The following PPARGC1A variants were observed in gnomAD, a reference collection of about 807,000 sequenced individuals.
The protein encoded by PPARGC1A is peroxisome proliferator-activated receptor gamma coactivator 1-alpha.
PPARGC1A carries 25 observed loss-of-function variants against 88.7 expected under a neutral mutation model. The observed-to-expected ratio is 0.28, with a 90% CI of 0.21 to 0.39. The LOEUF is 0.39. PPARGC1A is among the 10% of genes least tolerant of loss of function. The probability of loss-of-function intolerance (pLI) is 1.00; values close to 1 mark genes in which losing one functional copy is unlikely to be tolerated. For synonymous variants in PPARGC1A, 363 were observed against 355.6 expected (o/e 1.02, Z -0.24); for missense variants, 880 against 968.7 (o/e 0.91, Z 1.22).
intron 1 of PPARGC1A, among the ~76,000 whole-genome samples, chr4:23,888,386 G>T (rs953968221): frequency 6.6e-6 from 1 of 152,114 alleles, no homozygotes; most frequent in Non-Finnish European, 1.5e-5. Flanking sequence ...ATATGATCTA[G>T]TTCCTCAATC....
chr4:24,281,402 G>A, the PPARGC1A span, among the ~76,000 whole-genome samples: 9 of 151,994 alleles, frequency 5.9e-5, no homozygotes, highest in East Asian at 3.9e-4. Flanking sequence ...CATGTGTAGA[G>A]ATCACACAGT....
the PPARGC1A span, among the ~76,000 whole-genome samples, chr4:24,037,862 A>G: frequency 1.3e-5 from 2 of 152,170 alleles, no homozygotes; most frequent in South Asian, 4.2e-4. Context: ...AAAAGCAGAA[A>G]CCACAGCTTG....
the PPARGC1A span, among the ~76,000 whole-genome samples, chr4:24,222,336 T>C: frequency 6.6e-6 from 1 of 152,218 alleles, no homozygotes; most frequent in Non-Finnish European, 1.5e-5. Flanking sequence ...GATGCATCTC[T>C]TGATATCCCA....
intron 7 of PPARGC1A, among the ~76,000 whole-genome samples, chr4:23,822,186 G>A (rs898429628): frequency 1.3e-5 from 2 of 152,208 alleles, no homozygotes; most frequent in African/African-American, 4.8e-5. Flanking sequence ...GTGCCATCTT[G>A]TTGCTCCTTA....
At chr4:24,388,025 AAG>A in the PPARGC1A span, among the ~76,000 whole-genome samples, 1 of 151,828 alleles carries the variant, frequency 6.6e-6, no homozygotes, top group Non-Finnish European at 1.5e-5. Flanking sequence ...GAAAGAAAGA[AAG>A]AAACTATCAT....
intron 2 of PPARGC1A, chr4:23,879,928 C>T (rs1715582415): frequency 6.7e-6 from 1 of 149,492 alleles, no homozygotes; most frequent in African/African-American, 2.5e-5. Context: ...ATGTATTTTA[C>T]TTTGAGTAAA....
chr4:23,973,674 C>T, the PPARGC1A span, among the ~76,000 whole-genome samples: 1 of 152,192 alleles, frequency 6.6e-6, no homozygotes, highest in Non-Finnish European at 1.5e-5. Context: ...GTAACTCCCT[C>T]CCTCCAGATG....
the PPARGC1A span, among the ~76,000 whole-genome samples, chr4:24,002,722 A>G: frequency 6.6e-6 from 1 of 152,070 alleles, no homozygotes; most frequent in Non-Finnish European, 1.5e-5. Flanking sequence ...TGGGAACCTC[A>G]AGATAAAGGA....
At chr4:24,219,983 T>G in the PPARGC1A span, among the ~76,000 whole-genome samples, 1 of 152,140 alleles carries the variant, frequency 6.6e-6, no homozygotes, top group Non-Finnish European at 1.5e-5. Context: ...CAATTCATTT[T>G]GAGGACTAAT....
intron 1 of PPARGC1A, among the ~76,000 whole-genome samples, chr4:23,886,750 C>G (rs1293713663): frequency 2.0e-5 from 3 of 151,712 alleles, no homozygotes; most frequent in Non-Finnish European, 4.4e-5. Context: ...ATCCTCCAAG[C>G]CCAAACACAC....
chr4:23,984,808 C>G, the PPARGC1A span, among the ~76,000 whole-genome samples: 5 of 152,164 alleles, frequency 3.3e-5, no homozygotes, highest in Non-Finnish European at 7.4e-5. Flanking sequence ...TAAAGCCATA[C>G]AGTAAGTTGG....
chr4:24,384,023 A>T, the PPARGC1A span, among the ~76,000 whole-genome samples: 3 of 152,202 alleles, frequency 2.0e-5, no homozygotes, highest in Admixed American at 2.0e-4. Flanking sequence ...CTAACAGTGG[A>T]TCCCTCTGTT....
At chr4:24,123,367 A>AT in the PPARGC1A span, among the ~76,000 whole-genome samples, 6 of 152,250 alleles carry the variant, frequency 3.9e-5, no homozygotes, top group South Asian at 1.2e-3. Flanking sequence ...CCTCACAGCT[A>AT]ATGCTCCCTC....
chr4:24,012,415 C>T, the PPARGC1A span, among the ~76,000 whole-genome samples: 1 of 152,088 alleles, frequency 6.6e-6, no homozygotes, highest in Non-Finnish European at 1.5e-5. Flanking sequence ...CTCTTAGCCT[C>T]CCCTCCACAG....
At chr4:24,472,018 G>A in the PPARGC1A span, among the ~76,000 whole-genome samples, 2 of 152,106 alleles carry the variant, frequency 1.3e-5, no homozygotes, top group Non-Finnish European at 2.9e-5. This position sits in a 1 kb window ranked among gnomAD's most constrained non-coding sequence, Gnocchi z 4.5. Context: ...CGGCGCCCGC[G>A]GCGACTTGGG....
the PPARGC1A span, among the ~76,000 whole-genome samples, chr4:24,354,782 G>A: frequency 2.0e-5 from 3 of 152,148 alleles, no homozygotes; most frequent in Non-Finnish European, 2.9e-5. Context: ...AGCTACTCGG[G>A]AGGCTGAGGC....
At chr4:23,908,350 T>C (rs985746711), upstream of PPARGC1A, among the ~76,000 whole-genome samples, 4 of 152,206 alleles carry the variant, frequency 2.6e-5, no homozygotes, top group Non-Finnish European at 5.9e-5. Flanking sequence ...TACTGAAGCT[T>C]TCTTTGAATA....
At chr4:24,077,624 G>GGT in the PPARGC1A span, among the ~76,000 whole-genome samples, 9,091 of 130,828 alleles carry the variant, frequency 0.069, 303 homozygotes, top group Non-Finnish European at 0.077. Context: ...TGTGTCTAGG[G>GGT]GTGTGTGTGT....
chr4:24,104,371 TCTC>T, the PPARGC1A span, among the ~76,000 whole-genome samples: 1 of 152,086 alleles, frequency 6.6e-6, no homozygotes, highest in African/African-American at 2.4e-5. Flanking sequence ...TGTGGAAAAT[TCTC>T]CTCTGTCAAC....
Sources: allele counts gnomAD v4.1 joint callset (sites outside exome capture counted in the v4.1 genomes callset), GRCh38; gene constraint gnomAD v4.1.1; non-coding constraint Gnocchi (gnomAD v3.1); transcripts MANE v1.5; gene names NCBI Gene and HGNC (gene_info 2026-07-23, HGNC 2026-07-21).